Variants in DYNC1I1 observed in about 807,000 individuals in gnomAD.
The protein encoded by DYNC1I1 is cytoplasmic dynein 1 intermediate chain 1.
In DYNC1I1, 43 loss-of-function variants were observed where a neutral mutation model predicts 86.6. That is an observed-to-expected ratio of 0.50 (90% CI 0.39 to 0.64). The LOEUF (loss-of-function observed/expected upper bound fraction) is 0.64, where lower values mean the gene tolerates loss of function less well. Ranked by LOEUF, DYNC1I1 falls within the 30% of genes least tolerant of loss-of-function variation. The pLI, the probability that DYNC1I1 is intolerant of heterozygous loss-of-function variation, is 0.00. For synonymous variants in DYNC1I1, 262 were observed against 283.7 expected, an observed-to-expected ratio of 0.92 and a Z score of 0.77; for missense variants, 604 against 788.8, an observed-to-expected ratio of 0.77 and a Z score of 2.81.
Position 95,823,859 on chromosome 7 carries a change from C to T in DYNC1I1, c.315-4198C>T, listed in dbSNP as rs566367110. The stretch of plus-strand genomic sequence containing the variant: ...CCTAAGTCCAATAAACTAAGCACTG[C>T]GGAAAATGAATTTAGGCCCAAATCC... On this transcript the variant is annotated intron_variant, in intron 4 of 16. Transcript: ENST00000447467. Among the ~76,000 whole-genome samples, 12 of 148,700 alleles carry T rather than the reference C, an allele frequency of 8.1e-5. No individual in the cohort carries two copies. The South Asian group carries it at 1.7e-3, about 21-fold the overall frequency.
chr7:95,934,142 G>A (rs1482638900), intron 6 of DYNC1I1, among the ~76,000 whole-genome samples: 2 of 152,104 alleles, frequency 1.3e-5, no homozygotes, highest in African/African-American at 4.8e-5. Flanking sequence ...AAAACTGCAT[G>A]GAGACAGGAA....
chr7:96,102,939 G>A (rs1027824921), downstream of DYNC1I1, among the ~76,000 whole-genome samples: 29 of 152,140 alleles, frequency 1.9e-4, no homozygotes, highest in African/African-American at 7.0e-4. Flanking sequence ...GTTGAGCCCT[G>A]TCAGCCCTAC....
intron 6 of DYNC1I1, among the ~76,000 whole-genome samples, chr7:95,958,955 G>A (rs773637955): frequency 7.9e-5 from 12 of 152,200 alleles, no homozygotes; most frequent in Non-Finnish European, 1.6e-4. Flanking sequence ...TGACAAATGG[G>A]TGGGCTGGTC....
At chr7:95,858,033 A>G (rs75969821) in intron 5 of DYNC1I1, among the ~76,000 whole-genome samples, 2,056 of 152,250 alleles carry the variant, frequency 0.014, 67 homozygotes, top group East Asian at 0.11. Context: ...ATTTTTTCAT[A>G]TCTGATATAG....
chr7:96,023,738 G>T, intron 10 of DYNC1I1, among the ~76,000 whole-genome samples: 1 of 152,130 alleles, frequency 6.6e-6, no homozygotes. Context: ...TGAACATGTG[G>T]CTATATGGAT....
intron 16 of DYNC1I1, among the ~76,000 whole-genome samples, chr7:96,088,107 C>T (rs1790737062): frequency 6.6e-6 from 1 of 151,842 alleles, no homozygotes; most frequent in South Asian, 2.1e-4. Flanking sequence ...TGTAAAAGAC[C>T]ATGATTAAAC....
At chr7:95,833,881 G>A (rs1363693975) in intron 5 of DYNC1I1, among the ~76,000 whole-genome samples, 2 of 149,762 alleles carry the variant, frequency 1.3e-5, no homozygotes, top group Non-Finnish European at 3.0e-5. Flanking sequence ...CTGAGACAAT[G>A]GGGTTTTCTA....
At chr7:96,021,976 A>G (rs560270108) in intron 10 of DYNC1I1, among the ~76,000 whole-genome samples, 21 of 152,256 alleles carry the variant, frequency 1.4e-4, no homozygotes, top group African/African-American at 4.6e-4. Flanking sequence ...TTAGTGCACA[A>G]GTTTTTTGTG....
At chr7:95,813,106 T>TTTCTTTTTCCCATCTCAA in intron 3 of DYNC1I1, 141 bp from the exon 4 acceptor site, 2 of 1,413,174 alleles carry the variant, frequency 1.4e-6, no homozygotes, top group Non-Finnish European at 9.3e-7. Context: ...TTTTTTTTTT[T>TTTCTTTTTCCCATCTCAA]TCTTTATCCC....
intron 1 of DYNC1I1, among the ~76,000 whole-genome samples, chr7:95,785,777 A>G (rs935027985): frequency 0.27 from 4,147 of 15,120 alleles, 90 homozygotes; most frequent in African/African-American, 0.42. Flanking sequence ...GTGTATGTGT[A>G]TATATATATA....
At chr7:95,971,957 C>T in intron 6 of DYNC1I1, among the ~76,000 whole-genome samples, 1 of 152,140 alleles carries the variant, frequency 6.6e-6, no homozygotes, top group Non-Finnish European at 1.5e-5. Flanking sequence ...CCACAGTCCT[C>T]TCATGAAATG....
chr7:96,018,522 G>A (rs1161114594), intron 10 of DYNC1I1, among the ~76,000 whole-genome samples: 1 of 152,108 alleles, frequency 6.6e-6, no homozygotes, highest in African/African-American at 2.4e-5. Context: ...AATGCTGGCC[G>A]CAAGTAAATA....
intron 2 of DYNC1I1, among the ~76,000 whole-genome samples, chr7:95,808,035 A>G (rs550502300): frequency 6.6e-6 from 1 of 152,242 alleles, no homozygotes; most frequent in South Asian, 2.1e-4. Flanking sequence ...TAGTCAGGGC[A>G]GGTTTGAGAG....
chr7:95,839,291 A>G (rs1488155991), intron 5 of DYNC1I1, among the ~76,000 whole-genome samples: 1 of 152,122 alleles, frequency 6.6e-6, no homozygotes, highest in Non-Finnish European at 1.5e-5. Context: ...TCAGCCTCCT[A>G]AAGTGCTGGG....
chr7:95,868,659 A>C (rs1399245327), intron 5 of DYNC1I1, among the ~76,000 whole-genome samples: 4 of 152,156 alleles, frequency 2.6e-5, no homozygotes, highest in Non-Finnish European at 5.9e-5. Context: ...ATATACTAAA[A>C]ACAATGTTCC....
At chr7:95,966,713 A>T (rs551355958) in intron 6 of DYNC1I1, among the ~76,000 whole-genome samples, 2 of 152,238 alleles carry the variant, frequency 1.3e-5, no homozygotes, top group Non-Finnish European at 2.9e-5. Context: ...ATGAGGAGTG[A>T]ATAGACTGAT....
intron 8 of DYNC1I1, among the ~76,000 whole-genome samples, chr7:95,986,832 A>G (rs796797574): frequency 8.5e-5 from 13 of 152,080 alleles, no homozygotes; most frequent in African/African-American, 3.1e-4. Flanking sequence ...ACATTTCATA[A>G]CAGTCTTGGA....
At chr7:96,103,070 G>A (rs1384734147), downstream of DYNC1I1, among the ~76,000 whole-genome samples, 1 of 152,178 alleles carries the variant, frequency 6.6e-6, no homozygotes, top group Non-Finnish European at 1.5e-5. Context: ...TAGCTCAAAA[G>A]CCCATTGTCA....
At chr7:95,931,291 A>G (rs1020127397) in intron 6 of DYNC1I1, among the ~76,000 whole-genome samples, 1 of 152,028 alleles carries the variant, frequency 6.6e-6, no homozygotes, top group African/African-American at 2.4e-5. Context: ...CTGGAATTAC[A>G]GGTTTGCACC....
Sources: gnomAD v4.1 joint callset for allele counts (sites outside exome capture counted in the v4.1 genomes callset) on GRCh38, gnomAD v4.1.1 for gene constraint, MANE v1.5 for transcripts, NCBI Gene and HGNC (gene_info 2026-07-23, HGNC 2026-07-21) for gene names.